Variants in ADGRL3 observed in about 807,000 individuals in gnomAD.
The protein encoded by ADGRL3 is calcium-independent alpha-latrotoxin receptor 3.
Under a neutral mutation model 153.5 loss-of-function variants are expected in ADGRL3, and 62 were observed. That is an observed-to-expected ratio of 0.40 (90% confidence interval 0.33 to 0.50). The LOEUF is 0.50. ADGRL3 is among the 20% of genes least tolerant of loss of function. ADGRL3 has a pLI of 0.47. For missense variants in ADGRL3, 1,641 were observed against 1,859.4 expected (o/e 0.88, Z 2.16); for synonymous variants, 710 against 672.5 (o/e 1.06, Z -0.86).
At chr4:61,653,170 TCA>T (rs34273823) in intron 5 of ADGRL3, among the ~76,000 whole-genome samples, 34,134 of 89,782 alleles carry the variant, frequency 0.38, 4,226 homozygotes, top group East Asian at 0.49. Flanking sequence ...TCTCTCTCTC[TCA>T]CACACACACA....
chr4:61,392,477 G>A (rs2096821208), intron 2 of ADGRL3, among the ~76,000 whole-genome samples: 1 of 151,294 alleles, frequency 6.6e-6, no homozygotes, highest in South Asian at 2.1e-4. Flanking sequence ...CACGAGGTCA[G>A]GAGATCGAGA....
intron 1 of ADGRL3, among the ~76,000 whole-genome samples, chr4:61,277,786 G>T (rs978497227): frequency 2.6e-5 from 4 of 152,202 alleles, no homozygotes; most frequent in Admixed American, 6.5e-5. Flanking sequence ...AAATTAATAT[G>T]TGTCAAAATG....
At chr4:61,691,378 A>G (rs1385756878) in intron 6 of ADGRL3, among the ~76,000 whole-genome samples, 2 of 152,166 alleles carry the variant, frequency 1.3e-5, no homozygotes, top group Non-Finnish European at 2.9e-5. Flanking sequence ...GGACCAATCT[A>G]TGAAGGCCAT....
At chr4:61,608,310 T>G (rs6836698) in intron 5 of ADGRL3, among the ~76,000 whole-genome samples, 3 of 152,162 alleles carry the variant, frequency 2.0e-5, no homozygotes, top group Non-Finnish European at 4.4e-5. Context: ...AGTTCTTCCA[T>G]TGATCAAGTT....
chr4:61,849,313 A>G (rs77111404), intron 9 of ADGRL3, among the ~76,000 whole-genome samples: 13,493 of 152,152 alleles, frequency 0.089, 650 homozygotes, highest in Middle Eastern at 0.11. Flanking sequence ...TTTAAGTCCA[A>G]TGATTTTTAG....
chr4:61,535,858 T>A (rs568460467), intron 4 of ADGRL3, among the ~76,000 whole-genome samples: 1 of 152,186 alleles, frequency 6.6e-6, no homozygotes, highest in East Asian at 1.9e-4. Context: ...ACCAATTTTT[T>A]ACTTCATTTA....
chr4:61,234,876 A>G (rs759356639), intron 1 of ADGRL3, among the ~76,000 whole-genome samples: 1 of 152,182 alleles, frequency 6.6e-6, no homozygotes, highest in African/African-American at 2.4e-5. Flanking sequence ...TGTGCAAATA[A>G]GAATCATAGA....
intron 1 of ADGRL3, among the ~76,000 whole-genome samples, chr4:61,284,729 A>G (rs756164039): frequency 1.3e-5 from 2 of 151,824 alleles, no homozygotes; most frequent in African/African-American, 2.4e-5. Flanking sequence ...TGAAAATTTT[A>G]GGATTGGTTG....
chr4:61,825,988 C>T (rs1347222741), intron 9 of ADGRL3, among the ~76,000 whole-genome samples: 1 of 152,064 alleles, frequency 6.6e-6, no homozygotes. Context: ...AGAATCTTTT[C>T]TCAAACTCTT....
At chr4:61,208,221 C>T (rs1348975347) in intron 1 of ADGRL3, among the ~76,000 whole-genome samples, 2 of 151,940 alleles carry the variant, frequency 1.3e-5, no homozygotes, top group African/African-American at 4.8e-5. Flanking sequence ...TAGAGATGAA[C>T]AGAAAGGGAC....
intron 17 of ADGRL3, among the ~76,000 whole-genome samples, chr4:61,972,848 C>G (rs1243761225): frequency 1.3e-5 from 2 of 152,166 alleles, no homozygotes; most frequent in African/African-American, 4.8e-5. Flanking sequence ...TCATATTATT[C>G]TCCTTTACTA....
intron 8 of ADGRL3, among the ~76,000 whole-genome samples, chr4:61,737,731 T>C (rs1371013505): frequency 6.6e-6 from 1 of 152,200 alleles, no homozygotes; most frequent in Non-Finnish European, 1.5e-5. Context: ...CTGCAGCTCA[T>C]ATAACTTATT....
chr4:61,889,955 T>G, intron 9 of ADGRL3, among the ~76,000 whole-genome samples: 1 of 152,196 alleles, frequency 6.6e-6, no homozygotes, highest in Non-Finnish European at 1.5e-5. Flanking sequence ...TAGAAAGTAT[T>G]CATCAGTACC....
chr4:61,952,484 A>C (rs2098950781), intron 17 of ADGRL3, among the ~76,000 whole-genome samples: 1 of 152,028 alleles, frequency 6.6e-6, no homozygotes, highest in East Asian at 1.9e-4. Flanking sequence ...GTCTCAAAAA[A>C]AAAAAAAAAA....
At chr4:61,509,191 G>A (rs1027428626) in intron 3 of ADGRL3, among the ~76,000 whole-genome samples, 2 of 142,052 alleles carry the variant, frequency 1.4e-5, no homozygotes, top group Admixed American at 7.5e-5. Context: ...GCAATGGCAC[G>A]ATCTCGGCTC....
At chr4:61,533,093 T>C (rs1044915872) in intron 4 of ADGRL3, among the ~76,000 whole-genome samples, 1 of 152,166 alleles carries the variant, frequency 6.6e-6, no homozygotes, top group Non-Finnish European at 1.5e-5. Context: ...AACAAAAGAA[T>C]AAGCAAATTG....
At chr4:61,390,361 A>G (rs1488261967) in intron 2 of ADGRL3, among the ~76,000 whole-genome samples, 2 of 152,204 alleles carry the variant, frequency 1.3e-5, no homozygotes, top group Non-Finnish European at 2.9e-5. Context: ...TTGAAAAAAT[A>G]TTATGATGGT....
chr4:61,973,679 C>A (rs923026426), intron 17 of ADGRL3, among the ~76,000 whole-genome samples: 2 of 151,626 alleles, frequency 1.3e-5, no homozygotes, highest in Admixed American at 1.3e-4. Flanking sequence ...TCCTTGAAGT[C>A]TTTGATATTT....
chr4:62,044,994 T>A (rs940971252), intron 25 of ADGRL3, among the ~76,000 whole-genome samples: 1 of 152,058 alleles, frequency 6.6e-6, no homozygotes. Context: ...AAAAATCACG[T>A]CTTAATATCT....
Sources: gnomAD v4.1 joint callset for allele counts (sites outside exome capture counted in the v4.1 genomes callset) on GRCh38, gnomAD v4.1.1 for gene constraint, MANE v1.5 for transcripts, NCBI Gene and HGNC (gene_info 2026-07-23, HGNC 2026-07-21) for gene names.